ENOX1: variants seen among roughly 807,000 people sequenced by gnomAD.
The protein encoded by ENOX1 is candidate growth-related and time keeping constitutive hydroquinone (NADH) oxidase.
ENOX1 carries 42 observed loss-of-function variants against 82.5 expected under a neutral mutation model. The observed-to-expected ratio is 0.51, with a 90% confidence interval of 0.40 to 0.66. The LOEUF (loss-of-function observed/expected upper bound fraction) is 0.66. Ranked by LOEUF, ENOX1 falls within the 30% of genes least tolerant of loss-of-function variation. The probability of loss-of-function intolerance (pLI) is 0.00; values close to 1 mark genes in which losing one functional copy is unlikely to be tolerated. For missense variants in ENOX1, 608 were observed against 811.6 expected (o/e 0.75, Z 3.05); for synonymous variants, 271 against 282.2 (o/e 0.96, Z 0.40).
chr13:43,650,954 G>A (rs190764577), intron 2 of ENOX1, among the ~76,000 whole-genome samples: 1 of 152,084 alleles, frequency 6.6e-6, no homozygotes. Context: ...CCTTTTTTGG[G>A]GAATCCTAAG....
In ENOX1 at chr13:43,264,669, T is replaced by C. The variant is rs1186639272; in HGVS notation, c.1611+729A>G. On this transcript the variant is annotated intron_variant, in intron 14 of 16. Coordinates refer to ENST00000690772, the MANE Select transcript of ENOX1 (RefSeq NM_001347969.2). ...AAAGAACTGCTTAGTAAGCATTTTC[T>C]TTGATGAGGATAATCAAATACAGAT... Among the ~76,000 whole-genome samples the C allele has an allele frequency of 2.6e-5, 4 of 152,226 alleles. No individual in the cohort carries two copies. In the South Asian group the frequency reaches 8.3e-4, roughly 32 times the overall value.
intron 2 of ENOX1, among the ~76,000 whole-genome samples, chr13:43,658,100 T>C (rs1337037217): frequency 6.6e-6 from 1 of 152,184 alleles, no homozygotes; most frequent in Non-Finnish European, 1.5e-5. Context: ...TCAAGAATTG[T>C]GTTCAGCCAT....
intron 2 of ENOX1, among the ~76,000 whole-genome samples, chr13:43,603,140 T>C (rs1173814461): frequency 6.6e-6 from 1 of 151,962 alleles, no homozygotes; most frequent in Non-Finnish European, 1.5e-5. Context: ...ACTTTGGAAA[T>C]CAGAAAGTAA....
intron 2 of ENOX1, among the ~76,000 whole-genome samples, chr13:43,558,194 C>T (rs2079525528): frequency 6.6e-6 from 1 of 152,212 alleles, no homozygotes; most frequent in African/African-American, 2.4e-5. Context: ...CACATCTTTA[C>T]TAGGGAACCA....
intron 6 of ENOX1, among the ~76,000 whole-genome samples, chr13:43,361,017 G>A (rs7322455): frequency 0.37 from 56,287 of 152,038 alleles, 12,743 homozygotes; most frequent in Non-Finnish European, 0.51. Flanking sequence ...AGGCTTCACT[G>A]CATGCAAAAA....
intron 2 of ENOX1, among the ~76,000 whole-genome samples, chr13:43,577,403 A>G (rs937821989): frequency 3.9e-5 from 6 of 152,152 alleles, no homozygotes; most frequent in South Asian, 2.1e-4. Flanking sequence ...AAGTGCTAGG[A>G]TTACAGGCAT....
intron 3 of ENOX1, among the ~76,000 whole-genome samples, chr13:43,477,605 A>G (rs750411796): frequency 6.6e-6 from 1 of 152,184 alleles, no homozygotes; most frequent in African/African-American, 2.4e-5. Flanking sequence ...TGGCAAATGA[A>G]TGGTCATTTT....
intron 2 of ENOX1, among the ~76,000 whole-genome samples, chr13:43,623,325 T>A (rs1447607088): frequency 6.6e-6 from 1 of 152,180 alleles, no homozygotes; most frequent in African/African-American, 2.4e-5. Context: ...GATGTCCTTC[T>A]CCCTGTGTGG....
At chr13:43,602,765 A>G (rs2081782412) in intron 2 of ENOX1, among the ~76,000 whole-genome samples, 1 of 152,140 alleles carries the variant, frequency 6.6e-6, no homozygotes, top group Admixed American at 6.6e-5. Context: ...CTGAAAAAAA[A>G]GGATAGGGCA....
intron 14 of ENOX1, among the ~76,000 whole-genome samples, chr13:43,251,168 T>C (rs1052773598): frequency 5.9e-5 from 9 of 152,238 alleles, no homozygotes; most frequent in Non-Finnish European, 1.2e-4. Context: ...AACATATATC[T>C]AATTAAAACC....
intron 14 of ENOX1, 120 bp from the exon 15 acceptor site, chr13:43,236,858 G>T (rs144084318): frequency 9.8e-4 from 467 of 477,096 alleles, no homozygotes; most frequent in African/African-American, 8.8e-3. Flanking sequence ...TATAACTAAA[G>T]ATCAAATCTT....
intron 2 of ENOX1, among the ~76,000 whole-genome samples, chr13:43,559,281 C>A (rs2079568930): frequency 6.6e-6 from 1 of 152,224 alleles, no homozygotes; most frequent in Non-Finnish European, 1.5e-5. Flanking sequence ...CCTCCAAACA[C>A]ATGCATACTT....
chr13:43,291,128 T>C (rs2045976280), intron 12 of ENOX1, among the ~76,000 whole-genome samples: 1 of 152,264 alleles, frequency 6.6e-6, no homozygotes, highest in Admixed American at 6.5e-5. Flanking sequence ...GTTTCTCTTT[T>C]TCCATTTTTC....
rs559658396 is a variant in ENOX1, at chr13:43,688,511, C to T, written c.-284-20967G>A. 2.2e-4 allele frequency among the ~76,000 whole-genome samples: 33 copies of T among 152,318 alleles called. No individual in the cohort carries two copies. The South Asian group carries it at 4.4e-3, about 20-fold the overall frequency. On this transcript the variant is annotated intron_variant, in intron 1 of 16. Coordinates refer to ENST00000690772, the MANE Select transcript of ENOX1 (RefSeq NM_001347969.2). ...AGCCATATGGTTCCTGTCACCACTA[C>T]TCAACTCTGCTGTTTAGTGAGAAAG...
At chr13:43,662,420 T>A (rs2084780270) in intron 2 of ENOX1, among the ~76,000 whole-genome samples, 1 of 152,184 alleles carries the variant, frequency 6.6e-6, no homozygotes, top group Admixed American at 6.6e-5. Context: ...ATTCCATTTG[T>A]CACTCACTGT....
chr13:43,524,500 C>G (rs9594968), intron 2 of ENOX1, among the ~76,000 whole-genome samples: 30,972 of 152,104 alleles, frequency 0.2, 3,649 homozygotes, highest in Middle Eastern at 0.28. Context: ...TCACGCCCTC[C>G]ACCCTGGCCA....
At chr13:43,621,468 A>G (rs2082726766) in intron 2 of ENOX1, among the ~76,000 whole-genome samples, 1 of 152,164 alleles carries the variant, frequency 6.6e-6, no homozygotes, top group Non-Finnish European at 1.5e-5. Flanking sequence ...TTATTTCAGC[A>G]TTTGTTTGTC....
At chr13:43,681,791 G>T (rs78079853) in intron 1 of ENOX1, among the ~76,000 whole-genome samples, 1 of 151,240 alleles carries the variant, frequency 6.6e-6, no homozygotes, top group Non-Finnish European at 1.5e-5. Flanking sequence ...GGCCTGTTTA[G>T]GAGAAGGAGA....
intron 1 of ENOX1, among the ~76,000 whole-genome samples, chr13:43,698,438 C>T (rs2086749874): frequency 6.6e-6 from 1 of 152,134 alleles, no homozygotes; most frequent in Non-Finnish European, 1.5e-5. Flanking sequence ...ATATCAGAAA[C>T]TTTACAGAAT....
Sources: allele counts gnomAD v4.1 joint callset (sites outside exome capture counted in the v4.1 genomes callset), GRCh38; gene constraint gnomAD v4.1.1; transcripts MANE v1.5; gene names NCBI Gene and HGNC (gene_info 2026-07-23, HGNC 2026-07-21).